Variants in UGT3A1 observed in about 807,000 individuals in gnomAD.
The protein encoded by UGT3A1 is UDP-glycosyltransferase 3A1.
A neutral mutation model predicts 37.6 loss-of-function variants in UGT3A1; 40 were observed. The ratio of observed to expected loss-of-function variants is 1.06; its 90% CI spans 0.83 to 1.38. The LOEUF (loss-of-function observed/expected upper bound fraction) is 1.38. UGT3A1 is among the 40% of genes most tolerant of loss of function. The pLI is 0.00. For synonymous variants in UGT3A1, 256 were observed against 232.3 expected (o/e 1.10, Z -0.93); for missense variants, 642 against 634.2 (o/e 1.01, Z -0.13).
chr5:35,963,850 T>C (rs1739687962), intron 4 of UGT3A1, among the ~76,000 whole-genome samples: 1 of 152,188 alleles, frequency 6.6e-6, no homozygotes, highest in Non-Finnish European at 1.5e-5. Context: ...TGTGCACTGC[T>C]CATGCCTGTA....
At chr5:35,986,200 G>A (rs1740722781) in intron 2 of UGT3A1, among the ~76,000 whole-genome samples, 2 of 152,166 alleles carry the variant, frequency 1.3e-5, no homozygotes, top group South Asian at 4.2e-4. Flanking sequence ...TGACACGAAA[G>A]TCAAGAAAGG....
intron 4 of UGT3A1, among the ~76,000 whole-genome samples, chr5:35,959,920 C>A (rs1215721606): frequency 1.4e-5 from 2 of 141,784 alleles, no homozygotes; most frequent in Non-Finnish European, 3.0e-5. Flanking sequence ...ATGAACAAAT[C>A]AAAAAAGAAA....
chr5:35,982,169 A>C (rs1269814990), intron 2 of UGT3A1, among the ~76,000 whole-genome samples: 9 of 152,160 alleles, frequency 5.9e-5, no homozygotes, highest in Admixed American at 5.9e-4. Context: ...CTCATGGAGA[A>C]CCTCTACTAG....
intron 2 of UGT3A1, among the ~76,000 whole-genome samples, chr5:35,969,504 CT>C (rs1739950340): frequency 6.6e-6 from 1 of 152,002 alleles, no homozygotes; most frequent in Non-Finnish European, 1.5e-5. Context: ...CAAAGTACAC[CT>C]GATAACAACC....
intron 4 of UGT3A1, among the ~76,000 whole-genome samples, chr5:35,959,622 G>C (rs889378776): frequency 6.6e-6 from 1 of 151,878 alleles, no homozygotes. Context: ...ATTTGAAATT[G>C]TCAAGTCTGA....
In UGT3A1 at chr5:35,960,157, A is replaced by G. The variant is rs112736092; in HGVS notation, c.844-2738T>C. Among the ~76,000 whole-genome samples the G allele has an allele frequency of 2.9e-3, 442 of 152,334 alleles. 4 individuals carry two copies. The highest frequency in any genetic ancestry group is 9.2e-3 in the African/African-American group (381 of 41,580). On this transcript the variant is annotated intron_variant, in intron 4 of 6. Transcript: ENST00000274278. ...CTATACAAACCCTATCAAAATCCCA[A>G]TAACTTCTTTTGCAACAGAAAAATC... is the stretch of plus-strand genomic sequence containing the variant.
At chr5:35,957,828 AG>A (rs1361193719) in intron 4 of UGT3A1, among the ~76,000 whole-genome samples, 1 of 152,218 alleles carries the variant, frequency 6.6e-6, no homozygotes, top group Non-Finnish European at 1.5e-5. Flanking sequence ...GCATTTGAGA[AG>A]AAGGTGTAGT....
chr5:35,954,531 C>A, intron 6 of UGT3A1, 53 bp from the exon 7 acceptor site: 1 of 1,587,526 alleles, frequency 6.3e-7, no homozygotes, highest in Admixed American at 1.7e-5. Context: ...ACAAGTCTTA[C>A]AGACTTTGTA....
chr5:35,973,942 G>T (rs1390017378), intron 2 of UGT3A1, among the ~76,000 whole-genome samples: 2 of 152,160 alleles, frequency 1.3e-5, no homozygotes, highest in Non-Finnish European at 2.9e-5. Flanking sequence ...TAAAAGAAAA[G>T]AAGATGAGCA....
chr5:35,954,714 C>A (rs916041821), intron 6 of UGT3A1: 2 of 562,388 alleles, frequency 3.6e-6, no homozygotes, highest in Non-Finnish European at 6.3e-6. Flanking sequence ...AAGTGTTAAA[C>A]TGTAGGAAAG....
At chr5:35,961,861 A>T (rs941146290) in intron 4 of UGT3A1, 1 of 152,176 alleles carries the variant, frequency 6.6e-6, no homozygotes, top group African/African-American at 2.4e-5. Flanking sequence ...GGTATGCTTT[A>T]CCAAGGCCCC....
rs1303801382 is a variant in UGT3A1, at chr5:35,954,326, T to C, written c.1448A>G (p.Gln483Arg). The change falls in exon 7 of 7, where the codon CAG (glutamine) becomes CGG (arginine). Residue 483 changes from glutamine (Q) to arginine (R), a missense_variant. Transcript: ENST00000274278. ...PYAFQQPWHE[Q>R]YLIDVFVFLL... ...AAACACAAAGACATCAATGAGGTAC[T>C]GCTCATGCCAAGGCTGCTGGAAGGC... The C allele has an allele frequency of 1.9e-6, 3 of 1,614,212 alleles. No individual in the cohort carries two copies. Among genetic ancestry groups the C allele is most frequent in the East Asian group, 2.2e-5 (1 of 44,882 alleles).
rs77332953 is a variant in UGT3A1, at chr5:35,951,633, C to T, written c.*2569G>A. 2.6e-5 allele frequency: 4 copies of T among 152,292 alleles called. No homozygotes were observed. In the East Asian group the frequency reaches 7.7e-4, roughly 29 times the overall value. The allele number at this position is 152,292 out of a possible 1,614,324, so 9.4% of individuals were successfully genotyped here. A position where few individuals can be genotyped will look rare whatever the true frequency, so the allele number is the denominator to read the frequency against. On this transcript the variant is annotated 3_prime_UTR_variant, in exon 7 of 7. Coordinates refer to ENST00000274278, the MANE Select transcript of UGT3A1 (RefSeq NM_152404.4). ...TAAGATATATGCTGCAGCTATGTTT[C>T]TCCAACTTTTTAATTTGGATCGCTA...
At position 35,969,289 on chromosome 5, in the gene UGT3A1, C is replaced by A. The variant is rs572234377; in HGVS notation, c.197-1156G>T. ...GATTATATCTCTGTAGCTAAAAATG[C>A]TCCAGATGAACAGAATTATTAGGAA... On this transcript the variant is annotated intron_variant, in intron 2 of 6. Transcript: ENST00000274278. 2.0e-5 allele frequency among the ~76,000 whole-genome samples: 3 copies of A among 152,268 alleles called. No individual in the cohort carries two copies. In the South Asian group the frequency reaches 6.2e-4, roughly 32 times the overall value.
chr5:35,969,823 G>A (rs1739961564), intron 2 of UGT3A1, among the ~76,000 whole-genome samples: 1 of 152,096 alleles, frequency 6.6e-6, no homozygotes, highest in Admixed American at 6.6e-5. Flanking sequence ...CTCTTAAGGA[G>A]TTATCCAATA....
At chr5:35,955,461 A>G (rs1304072002) in intron 6 of UGT3A1, 184 bp downstream of exon 6, 4 of 675,428 alleles carry the variant, frequency 5.9e-6, no homozygotes, top group African/African-American at 3.6e-5. Context: ...AATTCTCAGC[A>G]TCTAACCTAA....
chr5:35,973,448 G>A (rs531640994), intron 2 of UGT3A1, among the ~76,000 whole-genome samples: 15 of 152,238 alleles, frequency 9.9e-5, no homozygotes, highest in Non-Finnish European at 2.1e-4. Flanking sequence ...TTGATTCATC[G>A]TTGTAGCCCA....
intron 4 of UGT3A1, 119 bp downstream of exon 4, chr5:35,965,258 CGTGCCCTAG>C: frequency 7.2e-7 from 1 of 1,387,556 alleles, no homozygotes; most frequent in South Asian, 1.5e-5. Context: ...CCTTTAAGAA[CGTGCCCTAG>C]GTGCCTCCTT....
chr5:35,993,995 CT>C (rs1261515911), upstream of UGT3A1, among the ~76,000 whole-genome samples: 1 of 152,226 alleles, frequency 6.6e-6, no homozygotes, highest in African/African-American at 2.4e-5. Context: ...CTATCTGCTT[CT>C]GTATCAGGGA....
Sources: gnomAD v4.1 joint callset for allele counts (sites outside exome capture counted in the v4.1 genomes callset) on GRCh38, gnomAD v4.1.1 for gene constraint, MANE v1.5 for transcripts, NCBI Gene and HGNC (gene_info 2026-07-23, HGNC 2026-07-21) for gene names.